SEC14L1: variants seen among roughly 807,000 people sequenced by gnomAD.
The protein encoded by SEC14L1 is SEC14 like lipid binding 1.
SEC14L1 carries 48 observed loss-of-function variants against 85.3 expected under a neutral mutation model. The observed-to-expected ratio is 0.56, with a 90% CI of 0.45 to 0.72. The LOEUF (loss-of-function observed/expected upper bound fraction) is 0.72. SEC14L1 is among the 30% of genes least tolerant of loss of function. The probability of loss-of-function intolerance (pLI) is 0.00; values close to 1 mark genes in which losing one functional copy is unlikely to be tolerated. For missense variants in SEC14L1, 682 were observed against 921.4 expected (o/e 0.74, Z 3.36); for synonymous variants, 391 against 355.5 (o/e 1.10, Z -1.12).
Position 77,216,830 on chromosome 17 carries a change from G to T in SEC14L1, c.*2807G>T. ...GTAAGGGAATTCTGGGGCAGCTATG[G>T]TTTGAGTATGCAGTTTGCATCGTGT... is the stretch of plus-strand genomic sequence containing the variant. On this transcript the variant is annotated 3_prime_UTR_variant, in exon 17 of 17. Coordinates refer to ENST00000436233, the MANE Select transcript of SEC14L1 (RefSeq NM_001143998.2). 1 of 525,204 alleles carries T rather than the reference G, an allele frequency of 1.9e-6. No homozygotes were observed. 32.5% of individuals were successfully genotyped at this position (525,204 alleles called of 1,614,324 possible).
Position 77,214,926 on chromosome 17 carries a change from A to G in SEC14L1, c.*903A>G. On this transcript the variant is annotated 3_prime_UTR_variant, in exon 17 of 17. Coordinates refer to ENST00000436233, the MANE Select transcript of SEC14L1 (RefSeq NM_001143998.2). ...GCCACTAGGAGGCCGTCTTGGAACCAGCAAGTCGCATTTGCCACTTGACAC... is the reference window on the plus strand; with the variant it reads ...GCCACTAGGAGGCCGTCTTGGAACCGGCAAGTCGCATTTGCCACTTGACAC... 1.0e-6 allele frequency: 1 copy of G among 985,438 alleles called. No individual in the cohort carries two copies. Among genetic ancestry groups the G allele is most frequent in the Non-Finnish European group, 1.2e-6 (1 of 829,972 alleles). The allele number at this position is 985,438 out of a possible 1,614,324, so 61.0% of individuals were successfully genotyped here. A position where few individuals can be genotyped will look rare whatever the true frequency, so the allele number is the denominator to read the frequency against.
At chr17:77,202,928 T>TAAAAAAA (rs1452299295) in intron 9 of SEC14L1, among the ~76,000 whole-genome samples, 1 of 82,994 alleles carries the variant, frequency 1.2e-5, no homozygotes, top group Non-Finnish European at 2.5e-5. Flanking sequence ...CTAAAAAAAA[T>TAAAAAAA]AAAAAAATAA....
intron 3 of SEC14L1, among the ~76,000 whole-genome samples, chr17:77,167,135 T>C (rs1974317153): frequency 6.9e-6 from 1 of 143,928 alleles, no homozygotes. Flanking sequence ...TTCTGTTTTC[T>C]TTTCTTTTTC....
rs745823602 is a variant in SEC14L1, at chr17:77,213,593, T to A, written c.2042+101T>A. 10 of 1,406,944 alleles carry A rather than the reference T, an allele frequency of 7.1e-6. No homozygotes were observed. Among genetic ancestry groups the A allele is most frequent in the Non-Finnish European group, 9.8e-6 (10 of 1,018,802 alleles). 87.2% of individuals were successfully genotyped at this position (1,406,944 alleles called of 1,614,324 possible). A position where few individuals can be genotyped will look rare whatever the true frequency, so the allele number is the denominator to read the frequency against. ...GTGCAGGATCAGCAGTGGCGGCGGG[T>A]GTCAGGAATGCTTGGAGGGCCAGGA... On this transcript the variant is annotated intron_variant, in intron 16 of 16. Coordinates refer to ENST00000436233, the MANE Select transcript of SEC14L1 (RefSeq NM_001143998.2). The surrounding 1 kb of genome is among the most constrained non-coding windows in gnomAD (Gnocchi z 7.1).
At chr17:77,119,135 C>G (rs7218349) in intron 3 of SEC14L1, among the ~76,000 whole-genome samples, 2,551 of 152,014 alleles carry the variant, frequency 0.017, 73 homozygotes, top group African/African-American at 0.059. Context: ...CATAGTGAAA[C>G]CCTGTCTCTA....
intron 3 of SEC14L1, among the ~76,000 whole-genome samples, chr17:77,176,277 C>T (rs1009053750): frequency 3.3e-5 from 5 of 150,712 alleles, no homozygotes; most frequent in Admixed American, 3.3e-4. Flanking sequence ...GCAATAAGAG[C>T]GAAACTCAGT....
chr17:77,129,453 TCA>T (rs1972549486), intron 3 of SEC14L1, among the ~76,000 whole-genome samples: 1 of 152,074 alleles, frequency 6.6e-6, no homozygotes, highest in Non-Finnish European at 1.5e-5. Context: ...CAGCTGGAGG[TCA>T]CACTGTGTAT....
At chr17:77,156,199 C>A (rs1567898879) in intron 3 of SEC14L1, among the ~76,000 whole-genome samples, 1 of 152,158 alleles carries the variant, frequency 6.6e-6, no homozygotes, top group African/African-American at 2.4e-5. Context: ...TGACACTCCA[C>A]TGGTCTCTCT....
intron 8 of SEC14L1, among the ~76,000 whole-genome samples, chr17:77,199,742 C>T (rs961702636): frequency 2.2e-4 from 33 of 152,098 alleles, no homozygotes; most frequent in African/African-American, 7.5e-4. Context: ...CTCTACTTTG[C>T]GGAAACGAAA....
chr17:77,111,369 T>A (rs146206525), intron 3 of SEC14L1, among the ~76,000 whole-genome samples: 1 of 151,550 alleles, frequency 6.6e-6, no homozygotes, highest in African/African-American at 2.4e-5. Flanking sequence ...AGATAAAAGA[T>A]TGTGGAGACC....
intron 9 of SEC14L1, among the ~76,000 whole-genome samples, chr17:77,202,261 G>A (rs1976188710): frequency 6.6e-6 from 1 of 152,142 alleles, no homozygotes; most frequent in African/African-American, 2.4e-5. Context: ...CAAGGCAGGA[G>A]GATGGCTTGG....
In SEC14L1 at chr17:77,215,339, G is replaced by A; in HGVS notation, c.*1316G>A. 1.0e-6 allele frequency: 1 copy of A among 985,428 alleles called. No homozygotes were observed. Among genetic ancestry groups the A allele is most frequent in the Non-Finnish European group, 1.2e-6 (1 of 829,938 alleles). 61.0% of individuals were successfully genotyped at this position (985,428 alleles called of 1,614,324 possible). A position where few individuals can be genotyped will look rare whatever the true frequency, so the allele number is the denominator to read the frequency against. ...GCATAGGGGATGGCCTCCACGATAAGGACATGCAACACGTGTTTCTGTGTG... is the reference window on the plus strand; with the variant it reads ...GCATAGGGGATGGCCTCCACGATAAAGACATGCAACACGTGTTTCTGTGTG... On this transcript the variant is annotated 3_prime_UTR_variant, in exon 17 of 17. Coordinates refer to ENST00000436233, the MANE Select transcript of SEC14L1 (RefSeq NM_001143998.2).
intron 3 of SEC14L1, among the ~76,000 whole-genome samples, chr17:77,117,069 C>T (rs1972185445): frequency 6.6e-6 from 1 of 152,294 alleles, no homozygotes; most frequent in South Asian, 2.1e-4. Context: ...AATGGAAGGC[C>T]GGGCGCAGTG....
chr17:77,178,065 C>CCT (rs1974842416), intron 3 of SEC14L1, among the ~76,000 whole-genome samples: 3 of 136,440 alleles, frequency 2.2e-5, no homozygotes, highest in African/African-American at 5.9e-5. Context: ...TCCCCCCCCC[C>CCT]TTTTTTTTTT....
chr17:77,132,921 G>C (rs1428842334), intron 3 of SEC14L1, among the ~76,000 whole-genome samples: 1 of 150,858 alleles, frequency 6.6e-6, no homozygotes, highest in African/African-American at 2.4e-5. Flanking sequence ...GGAGTGCAGT[G>C]GTGCAATCAT....
At chr17:77,148,160 A>G (rs906440310) in intron 3 of SEC14L1, among the ~76,000 whole-genome samples, 7 of 152,122 alleles carry the variant, frequency 4.6e-5, no homozygotes, top group Non-Finnish European at 1.0e-4. Flanking sequence ...TTCCTTAATA[A>G]AGGCTTCAAA....
chr17:77,104,431 T>TA (rs1413677958), intron 3 of SEC14L1, among the ~76,000 whole-genome samples: 4 of 5,328 alleles, frequency 7.5e-4, no homozygotes. Flanking sequence ...TTGTGTTTAC[T>TA]TTTTTTTTTT....
chr17:77,170,414 C>T (rs899138052), intron 3 of SEC14L1, among the ~76,000 whole-genome samples: 1 of 152,032 alleles, frequency 6.6e-6, no homozygotes, highest in Non-Finnish European at 1.5e-5. Flanking sequence ...TTCTTCTTTC[C>T]AACTTCTGAC....
intron 3 of SEC14L1, among the ~76,000 whole-genome samples, chr17:77,112,427 G>A (rs1024949220): frequency 2.0e-5 from 3 of 152,058 alleles, no homozygotes; most frequent in South Asian, 4.2e-4. Context: ...TATATTTTCA[G>A]AAGTTTTCCC....
Sources: allele counts gnomAD v4.1 joint callset (sites outside exome capture counted in the v4.1 genomes callset), GRCh38; gene constraint gnomAD v4.1.1; non-coding constraint Gnocchi (gnomAD v3.1); transcripts MANE v1.5; gene names NCBI Gene and HGNC (gene_info 2026-07-23, HGNC 2026-07-21).